The following SLC24A4 variants were observed in gnomAD, a reference collection of about 807,000 sequenced individuals.
SLC24A4 encodes the protein sodium/potassium/calcium exchanger 4.
Under a neutral mutation model 79.0 loss-of-function variants are expected in SLC24A4, and 53 were observed. The observed-to-expected ratio is 0.67, with a 90% confidence interval of 0.54 to 0.84. SLC24A4 has a LOEUF of 0.84. Ranked by LOEUF, SLC24A4 falls within the 40% of genes least tolerant of loss-of-function variation. The pLI is 0.00. For synonymous variants in SLC24A4, 323 were observed against 323.8 expected, an observed-to-expected ratio of 1.00 and a Z score of 0.03; for missense variants, 731 against 822.0, an observed-to-expected ratio of 0.89 and a Z score of 1.35.
At chr14:92,361,896 A>G (rs1054606132) in intron 2 of SLC24A4, among the ~76,000 whole-genome samples, 1 of 152,172 alleles carries the variant, frequency 6.6e-6, no homozygotes, top group Non-Finnish European at 1.5e-5. Flanking sequence ...CATCAGAGGA[A>G]CGGAACCTGG....
intron 2 of SLC24A4, among the ~76,000 whole-genome samples, chr14:92,431,806 T>C (rs910268936): frequency 6.6e-6 from 1 of 152,186 alleles, no homozygotes; most frequent in Non-Finnish European, 1.5e-5. Context: ...AGTTTCATGA[T>C]GTGACCAGGT....
chr14:92,480,005 T>A (rs2139916550), intron 12 of SLC24A4, among the ~76,000 whole-genome samples: 1 of 152,304 alleles, frequency 6.6e-6, no homozygotes, highest in African/African-American at 2.4e-5. Flanking sequence ...TTTGTAATGT[T>A]CATAGTGATG....
intron 12 of SLC24A4, among the ~76,000 whole-genome samples, chr14:92,480,154 A>G (rs1379653200): frequency 8.5e-6 from 1 of 117,786 alleles, no homozygotes; most frequent in Non-Finnish European, 1.9e-5. Context: ...ATTTTTTTTT[A>G]TTTTCTATTT....
intron 10 of SLC24A4, chr14:92,451,631 T>G (rs1893144911): frequency 6.6e-6 from 1 of 152,190 alleles, no homozygotes; most frequent in Non-Finnish European, 1.5e-5. Flanking sequence ...AAACCCAAAG[T>G]TTTATCTTCC....
In SLC24A4 at chr14:92,482,695, A is replaced by C; in HGVS notation, c.1271A>C (p.Lys424Thr). 6.2e-7 allele frequency: 1 copy of C among 1,613,376 alleles called. No homozygotes were observed. The highest frequency in any genetic ancestry group is 2.2e-5 in the East Asian group (1 of 44,830). The stretch of plus-strand genomic sequence containing the variant: ...CACCCTGCAGAGGCCAGAGGGGACA[A>C]GGTCAAGTGGGTGTTCACCTGGCCC... Reference protein sequence around the residue: ...PFSVPEARGDKVKWVFTWPLI... With the variant: ...PFSVPEARGDTVKWVFTWPLI... Residue 424 changes from lysine (K) to threonine (T), a missense_variant, in exon 13 of 17, where the codon AAG becomes ACG. Coordinates refer to ENST00000532405, the MANE Select transcript of SLC24A4 (RefSeq NM_153646.4).
intron 2 of SLC24A4, among the ~76,000 whole-genome samples, chr14:92,381,390 A>G (rs4357864): frequency 0.33 from 50,129 of 151,962 alleles, 9,244 homozygotes; most frequent in East Asian, 0.71. Flanking sequence ...ATGAGAACAC[A>G]TGGACACGGG....
At chr14:92,342,363 C>CATTAATTTATTTATTTATTTATTT (rs377654077) in intron 2 of SLC24A4, among the ~76,000 whole-genome samples, 7 of 137,848 alleles carry the variant, frequency 5.1e-5, no homozygotes, top group African/African-American at 1.9e-4. Context: ...TTTTTTTCCC[C>CATTAATTTATTTATTTATTTATTT]ATTTATTTAT....
chr14:92,424,169 C>G (rs1891444013), intron 2 of SLC24A4, among the ~76,000 whole-genome samples: 1 of 152,150 alleles, frequency 6.6e-6, no homozygotes. Context: ...GACCACATTT[C>G]AACTTAACTA....
chr14:92,475,707 AC>A (rs1234554264), intron 12 of SLC24A4, among the ~76,000 whole-genome samples: 5 of 152,198 alleles, frequency 3.3e-5, no homozygotes, highest in Non-Finnish European at 7.3e-5. Context: ...CAGCACGAGC[AC>A]CATGGAAGGT....
chr14:92,460,387 G>A (rs1250963301), intron 12 of SLC24A4, among the ~76,000 whole-genome samples: 1 of 152,190 alleles, frequency 6.6e-6, no homozygotes, highest in African/African-American at 2.4e-5. Context: ...CTCAGCAAAT[G>A]TTAGTGTGAA....
Position 92,496,867 on chromosome 14 carries a change from G to A in SLC24A4, c.*3239G>A, listed in dbSNP as rs1405716973. ...GTGTCACCCAGGCTGGAGTGCAGTG[G>A]TGCCATCTTGGCTCACTGCAACCTC... On this transcript the variant is annotated 3_prime_UTR_variant, in exon 17 of 17. Coordinates refer to ENST00000532405, the MANE Select transcript of SLC24A4 (RefSeq NM_153646.4). 6.6e-6 allele frequency: 1 copy of A among 152,132 alleles called. No homozygotes were observed. Among genetic ancestry groups the A allele is most frequent in the Non-Finnish European group, 1.5e-5 (1 of 68,132 alleles). The allele number at this position is 152,132 out of a possible 1,614,324, so 9.4% of individuals were successfully genotyped here. A position where few individuals can be genotyped will look rare whatever the true frequency, so the allele number is the denominator to read the frequency against.
chr14:92,449,153 G>C lies in SLC24A4; in HGVS notation c.817G>C (p.Glu273Gln), dbSNP rs766151589. 6 of 1,614,222 alleles carry C rather than the reference G, an allele frequency of 3.7e-6. No homozygotes were observed. Among genetic ancestry groups the C allele is most frequent in the Non-Finnish European group, 5.1e-6 (6 of 1,180,034 alleles). ...CGGTAACCCGGTCAACAGTGAGCTG[G>C]AGGCTGGTAATGATTTCTATGACGG... ...ANGNPVNSEL[E>Q]AGNDFYDGSY... is the part of the protein sequence containing the mutation. Residue 273 changes from glutamate (E) to glutamine (Q), a missense_variant, in exon 10 of 17, where the codon GAG becomes CAG. By Grantham distance (29) the Glu-to-Gln change is conservative. Coordinates refer to ENST00000532405, the MANE Select transcript of SLC24A4 (RefSeq NM_153646.4).
intron 2 of SLC24A4, among the ~76,000 whole-genome samples, chr14:92,422,335 A>G (rs1891335160): frequency 6.6e-6 from 1 of 152,190 alleles, no homozygotes; most frequent in African/African-American, 2.4e-5. Context: ...TCACCCTGAT[A>G]TTTTGAATGT....
chr14:92,343,643 T>TC (rs1886326797), intron 2 of SLC24A4, among the ~76,000 whole-genome samples: 2 of 112,164 alleles, frequency 1.8e-5, no homozygotes, highest in African/African-American at 3.3e-5. Context: ...TTTCTTTCTC[T>TC]CTTTCCTTCT....
At chr14:92,418,322 G>A (rs182337926) in intron 2 of SLC24A4, among the ~76,000 whole-genome samples, 466 of 152,302 alleles carry the variant, frequency 3.1e-3, no homozygotes, top group African/African-American at 0.011. Flanking sequence ...TGCTCGTCCT[G>A]CTGCCAGGCT....
At chr14:92,365,362 C>G (rs2141675014) in intron 2 of SLC24A4, among the ~76,000 whole-genome samples, 1 of 152,370 alleles carries the variant, frequency 6.6e-6, no homozygotes, top group East Asian at 1.9e-4. Flanking sequence ...GGTCCTGGTC[C>G]TTGTTTTAGA....
At chr14:92,460,342 G>A (rs8021815) in intron 12 of SLC24A4, among the ~76,000 whole-genome samples, 148,918 of 152,260 alleles carry the variant, frequency 0.98, 72,924 homozygotes, top group East Asian at 1. Flanking sequence ...TACTTTAGTC[G>A]AGGTCTGTGC....
chr14:92,404,315 A>G (rs140636767), intron 2 of SLC24A4, among the ~76,000 whole-genome samples: 2 of 152,342 alleles, frequency 1.3e-5, no homozygotes, highest in Non-Finnish European at 2.9e-5. Context: ...TAAAAGAGGA[A>G]TCAAATCACA....
chr14:92,445,437 T>G, intron 8 of SLC24A4, 95 bp downstream of exon 8: 1 of 1,315,234 alleles, frequency 7.6e-7, no homozygotes, highest in Non-Finnish European at 1.1e-6. Context: ...AAAAATTATT[T>G]TTATAAACTT....
Sources: gnomAD v4.1 joint callset for allele counts (sites outside exome capture counted in the v4.1 genomes callset) on GRCh38, gnomAD v4.1.1 for gene constraint, MANE v1.5 for transcripts, NCBI Gene and HGNC (gene_info 2026-07-23, HGNC 2026-07-21) for gene names.